The following CDH18 variants were observed in gnomAD, a reference collection of about 807,000 sequenced individuals.
CDH18 encodes cadherin-18.
In CDH18, 31 loss-of-function variants were observed where a neutral mutation model predicts 67.9. That is an observed-to-expected ratio of 0.46 (90% CI 0.34 to 0.62). The LOEUF (loss-of-function observed/expected upper bound fraction) is 0.62, where lower values mean the gene tolerates loss of function less well. Ranked by LOEUF, CDH18 falls within the 20% of genes least tolerant of loss-of-function variation. The pLI is 0.01. For synonymous variants in CDH18, 362 were observed against 347.2 expected (o/e 1.04, Z -0.48); for missense variants, 890 against 975.5 (o/e 0.91, Z 1.17).
intron 2 of CDH18, among the ~76,000 whole-genome samples, chr5:20,137,093 G>A (rs1392473637): frequency 6.6e-6 from 1 of 152,030 alleles, no homozygotes; most frequent in Non-Finnish European, 1.5e-5. Flanking sequence ...TATCTTTGTG[G>A]CTTTCTCTGT....
At chr5:20,210,960 ATAT>A (rs1188290885) in intron 2 of CDH18, among the ~76,000 whole-genome samples, 2 of 152,104 alleles carry the variant, frequency 1.3e-5, no homozygotes, top group Admixed American at 1.3e-4. Flanking sequence ...GATTAGATAA[ATAT>A]TATTCATAAT....
chr5:19,962,270 A>C (rs1254836507), intron 2 of CDH18, among the ~76,000 whole-genome samples: 1 of 150,100 alleles, frequency 6.7e-6, no homozygotes, highest in Non-Finnish European at 1.5e-5. Context: ...AGATGGAAAA[A>C]TATATTTGCT....
At chr5:19,593,708 CT>C (rs746123540) in intron 6 of CDH18, among the ~76,000 whole-genome samples, 10,003 of 27,308 alleles carry the variant, frequency 0.37, 1,244 homozygotes, top group East Asian at 0.6. Flanking sequence ...CCTCCTCCTC[CT>C]TCTTCTTCTT....
chr5:20,472,074 T>A (rs137955758), intron 1 of CDH18, among the ~76,000 whole-genome samples: 6 of 48,314 alleles, frequency 1.2e-4, no homozygotes, highest in African/African-American at 4.5e-4. Context: ...TGTGCATATT[T>A]TCTAACGAAT....
chr5:19,835,286 C>T (rs1015640490), intron 3 of CDH18, among the ~76,000 whole-genome samples: 1 of 151,964 alleles, frequency 6.6e-6, no homozygotes. Flanking sequence ...AAACCAAATA[C>T]CACGTTCTCA....
At position 19,926,348 on chromosome 5, in the gene CDH18, C is replaced by G. The variant is rs564599183; in HGVS notation, c.-257+54712G>C. On this transcript the variant is annotated intron_variant, in intron 2 of 12. Coordinates refer to ENST00000382275, the MANE Select transcript of CDH18 (RefSeq NM_004934.5). ...ATAACAACTTTTAACACATCAGCAA[C>G]CATCAATTCATTGTATTATCCAGTT... Among the ~76,000 whole-genome samples, 5 of 152,222 alleles carry G rather than the reference C, an allele frequency of 3.3e-5. No individual in the cohort carries two copies. The East Asian group carries it at 9.7e-4, about 29-fold the overall frequency.
chr5:19,592,204 A>T (rs955117627), intron 6 of CDH18, among the ~76,000 whole-genome samples: 7 of 151,028 alleles, frequency 4.6e-5, no homozygotes, highest in Admixed American at 2.0e-4. Flanking sequence ...ATAGACAGAT[A>T]GATAGATTAG....
At chr5:20,147,569 C>T (rs899357256) in intron 2 of CDH18, among the ~76,000 whole-genome samples, 13 of 152,106 alleles carry the variant, frequency 8.5e-5, no homozygotes, top group Admixed American at 1.3e-4. Flanking sequence ...ACAATGGCAA[C>T]GATACATAAA....
intron 1 of CDH18, among the ~76,000 whole-genome samples, chr5:20,526,106 T>A (rs1756038425): frequency 6.6e-6 from 1 of 152,218 alleles, no homozygotes; most frequent in South Asian, 2.1e-4. Flanking sequence ...AGGTTTGGAC[T>A]GGGTGGTATT....
intron 1 of CDH18, among the ~76,000 whole-genome samples, chr5:20,440,338 G>C (rs1447224087): frequency 6.6e-6 from 1 of 151,826 alleles, no homozygotes; most frequent in Non-Finnish European, 1.5e-5. Context: ...AGGCAAGACA[G>C]AGACCGTAAC....
At chr5:19,765,232 G>A (rs1488309022) in intron 3 of CDH18, among the ~76,000 whole-genome samples, 2 of 152,046 alleles carry the variant, frequency 1.3e-5, no homozygotes, top group African/African-American at 2.4e-5. Context: ...ATCAAACAGG[G>A]GCCATTGTCC....
chr5:19,929,113 G>T (rs1793407240), intron 2 of CDH18, among the ~76,000 whole-genome samples: 1 of 151,722 alleles, frequency 6.6e-6, no homozygotes, highest in African/African-American at 2.4e-5. Context: ...TTCTAGGACT[G>T]CAAAGTACAC....
At chr5:19,818,079 C>T (rs115427680) in intron 3 of CDH18, among the ~76,000 whole-genome samples, 1 of 152,184 alleles carries the variant, frequency 6.6e-6, no homozygotes, top group Non-Finnish European at 1.5e-5. Flanking sequence ...AGACAGTGGG[C>T]TAGCTTTGAC....
chr5:19,702,935 G>A (rs1357884458), intron 5 of CDH18, among the ~76,000 whole-genome samples: 2 of 152,166 alleles, frequency 1.3e-5, no homozygotes, highest in Non-Finnish European at 2.9e-5. Flanking sequence ...GTGCCTTAAG[G>A]ACATGTTCCT....
At chr5:20,008,921 C>T (rs1264311149) in intron 2 of CDH18, among the ~76,000 whole-genome samples, 2 of 152,052 alleles carry the variant, frequency 1.3e-5, no homozygotes, top group East Asian at 1.9e-4. Flanking sequence ...AGGAAAAGCT[C>T]CTATCTAATG....
rs189501016 is a variant in CDH18 at position 20,507,610 on chromosome 5, A to C, written c.-580+67852T>G. ...TTAGATATCCTCAAAGTAAAAGAAG[A>C]CAGGAAAATAAGATACTGAACAAAA... On this transcript the variant is annotated intron_variant, in intron 1 of 14. Coordinates refer to the CDH18 transcript ENST00000507958. 3.3e-5 allele frequency among the ~76,000 whole-genome samples: 5 copies of C among 152,306 alleles called. No individual in the cohort carries two copies. In the East Asian group the frequency reaches 9.6e-4, roughly 29 times the overall value.
At chr5:19,811,176 GAAGA>G (rs1170707410) in intron 3 of CDH18, among the ~76,000 whole-genome samples, 2 of 144,196 alleles carry the variant, frequency 1.4e-5, no homozygotes, top group South Asian at 2.2e-4. Context: ...GAAAGAAAGA[GAAGA>G]AAGAGGGAGA....
intron 2 of CDH18, among the ~76,000 whole-genome samples, chr5:20,050,512 A>T (rs1741325546): frequency 6.6e-6 from 1 of 151,946 alleles, no homozygotes. Flanking sequence ...AATGTAAATT[A>T]GTACATTTAA....
intron 1 of CDH18, among the ~76,000 whole-genome samples, chr5:20,389,230 G>A (rs1223606730): frequency 6.6e-6 from 1 of 152,088 alleles, no homozygotes; most frequent in Non-Finnish European, 1.5e-5. Flanking sequence ...ATGAATCTGG[G>A]TGCTCCTCTA....
Sources: gnomAD v4.1 joint callset for allele counts (sites outside exome capture counted in the v4.1 genomes callset) on GRCh38, gnomAD v4.1.1 for gene constraint, MANE v1.5 for transcripts, NCBI Gene and HGNC (gene_info 2026-07-23, HGNC 2026-07-21) for gene names.